F11: variants seen among roughly 807,000 people sequenced by gnomAD.
F11 encodes the protein coagualtion factor XI.
F11 carries 78 observed loss-of-function variants against 76.5 expected under a neutral mutation model. The ratio of observed to expected loss-of-function variants is 1.02; its 90% CI spans 0.85 to 1.23. The LOEUF (loss-of-function observed/expected upper bound fraction) is 1.23, where lower values mean the gene tolerates loss of function less well. Ranked by LOEUF, F11 falls within the 50% of genes most tolerant of loss-of-function variation. The pLI is 0.00. For missense variants in F11, 742 were observed against 771.4 expected (o/e 0.96, Z 0.45); for synonymous variants, 278 against 276.3 (o/e 1.01, Z -0.06).
Position 186,288,713 on chromosome 4 carries a change from C to A in F11, c.*99C>A. ...CCAGCATGCTTCCTCCACAGTAACA[C>A]GCTGAAGGGGCTTGGTGTTTGTAAG... is the stretch of plus-strand genomic sequence containing the variant. On this transcript the variant is annotated 3_prime_UTR_variant, in exon 15 of 15. Transcript: ENST00000403665. 1 of 1,304,216 alleles carries A rather than the reference C, an allele frequency of 7.7e-7. No individual in the cohort carries two copies. The allele number at this position is 1,304,216 out of a possible 1,614,324, so 80.8% of individuals were successfully genotyped here. A position where few individuals can be genotyped will look rare whatever the true frequency, so the allele number is the denominator to read the frequency against.
chr4:186,285,294 C>A (rs563517134), intron 11 of F11, among the ~76,000 whole-genome samples: 1 of 151,720 alleles, frequency 6.6e-6, no homozygotes, highest in Non-Finnish European at 1.5e-5. Flanking sequence ...TAGTTACTGG[C>A]GAGATTGAGA....
At chr4:186,287,876 C>T (rs1741327238) in intron 14 of F11, 53 bp downstream of exon 14, 43 of 1,577,832 alleles carry the variant, frequency 2.7e-5, no homozygotes, top group Non-Finnish European at 3.6e-5. Flanking sequence ...ATGCTTAATG[C>T]GTTGGGGTTT....
At chr4:186,290,058 A>G (rs1000791038), downstream of F11, among the ~76,000 whole-genome samples, 2 of 151,984 alleles carry the variant, frequency 1.3e-5, no homozygotes, top group Non-Finnish European at 2.9e-5. Flanking sequence ...GCAAACATAT[A>G]TCCTGGCTTC....
Position 186,289,223 on chromosome 4 carries a change from C to A in F11, c.*609C>A, listed in dbSNP as rs938214207. Among the ~76,000 whole-genome samples the A allele has an allele frequency of 6.6e-6, 1 of 152,108 alleles. No homozygotes were observed. Among genetic ancestry groups the A allele is most frequent in the Non-Finnish European group, 1.5e-5 (1 of 68,022 alleles). On this transcript the variant is annotated 3_prime_UTR_variant, in exon 15 of 15. Coordinates refer to ENST00000403665, the MANE Select transcript of F11 (RefSeq NM_000128.4). ...AGTGAATGTGAAGATAACAGAATTT[C>A]TGTGTGGAAGAGGATTACAAGCAGC... is the stretch of plus-strand genomic sequence containing the variant.
chr4:186,277,214 T>G (rs1323759622), intron 7 of F11, among the ~76,000 whole-genome samples: 1 of 152,230 alleles, frequency 6.6e-6, no homozygotes, highest in African/African-American at 2.4e-5. Flanking sequence ...GTTCTATCCA[T>G]GTTGCTGCAA....
chr4:186,280,059 G>T lies in F11; in HGVS notation c.803G>T (p.Arg268Leu), dbSNP rs201688862. 2.5e-6 allele frequency: 4 copies of T among 1,614,066 alleles called. No homozygotes were observed. Among genetic ancestry groups the T allele is most frequent in the South Asian group, 1.1e-5 (1 of 91,074 alleles). The change falls in exon 8 of 15, where the codon CGC (arginine) becomes CTC (leucine). Residue 268 changes from arginine (R) to leucine (L), a missense_variant. Coordinates refer to ENST00000403665, the MANE Select transcript of F11 (RefSeq NM_000128.4). The stretch of plus-strand genomic sequence containing the variant: ...TCTGAGAGTGGATTGCCCAGTACAC[G>T]CATTAAAAAGAGCAAAGCTCTTTCT... ...KTSESGLPST[R>L]IKKSKALSGF... is the part of the protein sequence containing the mutation.
At chr4:186,287,608 ATT>A (rs1741301038) in intron 13 of F11, 74 bp from the exon 14 acceptor site, 5 of 695,532 alleles carry the variant, frequency 7.2e-6, no homozygotes, top group Non-Finnish European at 1.1e-5. Context: ...ATATATATAT[ATT>A]TATATGTATG....
chr4:186,277,887 C>T (rs191647770), intron 7 of F11, among the ~76,000 whole-genome samples: 4 of 152,316 alleles, frequency 2.6e-5, no homozygotes, highest in African/African-American at 9.6e-5. Flanking sequence ...GCAGCCTCCA[C>T]TTCCTAGGCT....
intron 6 of F11, 36 bp from the exon 7 acceptor site, chr4:186,276,195 G>A: frequency 3.7e-6 from 6 of 1,613,696 alleles, no homozygotes; most frequent in Non-Finnish European, 5.1e-6. Context: ...GATAGCTGGT[G>A]AATTGAGTCC....
chr4:186,281,601 C>T (rs1189954953), intron 10 of F11, among the ~76,000 whole-genome samples: 2 of 152,172 alleles, frequency 1.3e-5, no homozygotes, highest in Non-Finnish European at 2.9e-5. Flanking sequence ...GGAAAGAACA[C>T]ACCACAAACA....
chr4:186,275,819 G>C lies in F11; in HGVS notation c.518G>C (p.Gly173Ala). The stretch of plus-strand genomic sequence containing the variant: ...TGTCTACTGAAGCACACCCAAACAG[G>C]GACACCAACCAGAATAACGAAGCTC... ...NICLLKHTQT[G>A]TPTRITKLDK... The change falls in exon 6 of 15, where the codon GGG becomes GCG. Residue 173 changes from glycine to alanine, a missense_variant. Gly to Ala is a moderately conservative substitution (Grantham distance 60). Transcript: ENST00000403665. The C allele has an allele frequency of 6.2e-7, 1 of 1,613,448 alleles. No individual in the cohort carries two copies. The highest frequency in any genetic ancestry group is 8.5e-7 in the Non-Finnish European group (1 of 1,179,704).
intron 2 of F11, 91 bp downstream of exon 2, chr4:186,267,282 C>A: frequency 1.1e-6 from 1 of 873,482 alleles, no homozygotes; most frequent in Non-Finnish European, 2.0e-6. Context: ...CCATTTATGC[C>A]GGGAAGGAAA....
chr4:186,266,820 G>T (rs1739534016), intron 1 of F11, among the ~76,000 whole-genome samples: 1 of 152,120 alleles, frequency 6.6e-6, no homozygotes, highest in Admixed American at 6.5e-5. Context: ...GGGGAGAGCG[G>T]TCAGATGGTG....
At chr4:186,282,901 C>A (rs1162608617) in intron 10 of F11, 28 of 985,244 alleles carry the variant, frequency 2.8e-5, no homozygotes, top group Non-Finnish European at 3.4e-5. Context: ...CATTTTCCTA[C>A]CAAGGAAAAA....
Position 186,271,757 on chromosome 4 carries a change from G to A in F11, c.204G>A (p.Glu68=), listed in dbSNP as rs762978812. 6.2e-7 allele frequency: 1 copy of A among 1,614,116 alleles called. No homozygotes were observed. The highest frequency in any genetic ancestry group is 8.5e-7 in the Non-Finnish European group (1 of 1,180,006). The change falls in exon 3 of 15, where the codon GAG becomes GAA. Residue 68 remains glutamate (E), a synonymous_variant. Coordinates refer to ENST00000403665, the MANE Select transcript of F11 (RefSeq NM_000128.4). ...CTTTCACGGCGGAATCACCATCTGA[G>A]GATCCCACCCGATGGTAAATGCTTA... ...LFTFTAESPS[E]DPTRWFTCVL...
rs555473629 is a variant in F11, at chr4:186,273,052, G to A, written c.219-19G>A. ...AACATAAATTCCTATTCATTAATATGTATTTTTTAAAAAAACAGGTTTACT... is the reference window on the plus strand; with the variant it reads ...AACATAAATTCCTATTCATTAATATATATTTTTTAAAAAAACAGGTTTACT... On this transcript the variant is annotated intron_variant, in intron 3 of 14. Coordinates refer to ENST00000403665, the MANE Select transcript of F11 (RefSeq NM_000128.4). The A allele has an allele frequency of 4.2e-5, 63 of 1,486,220 alleles. No individual in the cohort carries two copies. In the Middle Eastern group the frequency reaches 5.2e-4, roughly 12 times the overall value. The allele number at this position is 1,486,220 out of a possible 1,614,324, so 92.1% of individuals were successfully genotyped here. A position where few individuals can be genotyped will look rare whatever the true frequency, so the allele number is the denominator to read the frequency against.
intron 2 of F11, among the ~76,000 whole-genome samples, chr4:186,270,126 T>C (rs917243394): frequency 6.6e-6 from 1 of 152,150 alleles, no homozygotes. Context: ...TGTGATTGAG[T>C]ACCTAGAAAA....
intron 7 of F11, among the ~76,000 whole-genome samples, chr4:186,277,987 CAG>C (rs1554082642): frequency 6.6e-6 from 1 of 152,066 alleles, no homozygotes; most frequent in Non-Finnish European, 1.5e-5. Flanking sequence ...TTTGTAGAGA[CAG>C]AGTTTCGCCA....
At chr4:186,286,036 T>A in intron 12 of F11, 1 of 606,938 alleles carries the variant, frequency 1.6e-6, no homozygotes, top group East Asian at 2.8e-5. Flanking sequence ...TTTTCCTGAG[T>A]CTTCTTCAGG....
Sources: allele counts gnomAD v4.1 joint callset (sites outside exome capture counted in the v4.1 genomes callset), GRCh38; gene constraint gnomAD v4.1.1; transcripts MANE v1.5; gene names NCBI Gene and HGNC (gene_info 2026-07-23, HGNC 2026-07-21).